Variants in PIP4K2C observed in about 807,000 individuals in gnomAD.
PIP4K2C encodes phosphatidylinositol-5-phosphate 4-kinase type 2 gamma, also known as phosphatidylinositol 5-phosphate 4-kinase type-2 gamma.
PIP4K2C carries 21 observed loss-of-function variants against 45.0 expected under a neutral mutation model. The ratio of observed to expected loss-of-function variants is 0.47; its 90% CI spans 0.33 to 0.67. The LOEUF is 0.67. Ranked by LOEUF, PIP4K2C falls within the 30% of genes least tolerant of loss-of-function variation. The pLI is 0.02. For missense variants in PIP4K2C, 456 were observed against 542.8 expected (o/e 0.84, Z 1.59); for synonymous variants, 201 against 204.8 (o/e 0.98, Z 0.16).
At chr12:57,596,925 G>T (rs1883220469) in intron 4 of PIP4K2C, among the ~76,000 whole-genome samples, 1 of 152,226 alleles carries the variant, frequency 6.6e-6, no homozygotes, top group Non-Finnish European at 1.5e-5. Context: ...ATCCTTGAAG[G>T]ACTAGTAGAG....
intron 4 of PIP4K2C, 150 bp from the exon 5 acceptor site, chr12:57,598,915 T>C: frequency 1.3e-6 from 1 of 760,664 alleles, no homozygotes; most frequent in Non-Finnish European, 2.1e-6. Context: ...CCTGGAGTGT[T>C]TTGGGGAAGC....
Position 57,601,897 on chromosome 12 carries a change from TA to T in PIP4K2C, c.*293del. 2.3e-6 allele frequency: 1 copy of T among 428,688 alleles called. No homozygotes were observed. Among genetic ancestry groups the T allele is most frequent in the Non-Finnish European group, 4.3e-6 (1 of 232,280 alleles). The allele number at this position is 428,688 out of a possible 1,614,324, so 26.6% of individuals were successfully genotyped here. The stretch of plus-strand genomic sequence containing the variant: ...TCTCTCCCAAGTGCCTTGATCTTTG[TA>T]ATATCTCCTGTTGTTTCTATGATAT... On this transcript the variant is annotated 3_prime_UTR_variant, in exon 10 of 10. Coordinates refer to ENST00000354947, the MANE Select transcript of PIP4K2C (RefSeq NM_024779.5).
intron 1 of PIP4K2C, 68 bp downstream of exon 1, chr12:57,591,531 A>C (rs1445861683): frequency 2.0e-6 from 3 of 1,484,114 alleles, no homozygotes; most frequent in Non-Finnish European, 2.7e-6. Flanking sequence ...CCCTGTTTCC[A>C]GGCTCCAGCC....
intron 6 of PIP4K2C, 108 bp from the exon 7 acceptor site, chr12:57,600,216 A>C (rs1883369161): frequency 1.6e-6 from 1 of 630,958 alleles, no homozygotes; most frequent in East Asian, 2.8e-5. Context: ...CACAGTGTGG[A>C]GTTAGATGAG....
chr12:57,597,357 G>A (rs1370360119), intron 4 of PIP4K2C, among the ~76,000 whole-genome samples: 1 of 152,152 alleles, frequency 6.6e-6, no homozygotes. Flanking sequence ...AGACACAGGG[G>A]CCTCCAAGTT....
chr12:57,591,576 G>GT, intron 1 of PIP4K2C, 113 bp downstream of exon 1: 1 of 1,270,864 alleles, frequency 7.9e-7, no homozygotes, highest in South Asian at 1.6e-5. Context: ...CCCCTCCCCC[G>GT]GGTTGTCTTG....
In PIP4K2C at chr12:57,600,426, A is replaced by T. The variant is rs1369580614; in HGVS notation, c.802A>T (p.Arg268Ter). 1 of 1,597,798 alleles carries T rather than the reference A, an allele frequency of 6.3e-7. No homozygotes were observed. Among genetic ancestry groups the T allele is most frequent in the African/African-American group, 1.3e-5 (1 of 74,556 alleles). The change falls in exon 7 of 10, where the codon AGA (arginine) becomes TGA (stop). Residue 268 changes from arginine (R) to a stop codon, truncating the protein, a stop_gained. Transcript: ENST00000354947. LOFTEE classifies it high-confidence loss of function. ...EKKIFLEKLK[R>*]DVEFLVQLKI... ...GAAAATATTTCTGGAGAAGCTGAAG[A>T]GAGATGTGGAGGTGATGATTGGGTG...
chr12:57,594,147 C>T (rs1261604249), intron 2 of PIP4K2C, 25 bp downstream of exon 2: 3 of 1,549,336 alleles, frequency 1.9e-6, no homozygotes, highest in Non-Finnish European at 2.7e-6. Context: ...TTGCCATTCT[C>T]ATGTCAACCT....
intron 4 of PIP4K2C, 108 bp from the exon 5 acceptor site, chr12:57,598,957 C>T: frequency 3.1e-5 from 38 of 1,232,194 alleles, no homozygotes; most frequent in Non-Finnish European, 4.1e-5. Context: ...AATCTCTCTA[C>T]TTGAAGTCCT....
At position 57,600,914 on chromosome 12, in the gene PIP4K2C, A is replaced by T. The variant is rs758699156; in HGVS notation, c.917A>T (p.Glu306Val). ...PEEEAPVRED[E>V]SEVDGDCSLT... The stretch of plus-strand genomic sequence containing the variant: ...GAGGAAGCGCCCGTGCGGGAGGATG[A>T]GTCAGAGGTGGATGGGGACTGCAGC... Residue 306 changes from glutamate to valine, a missense_variant, in exon 8 of 10, where the codon GAG becomes GTG. Physicochemically the swap from Glu to Val is moderately radical, Grantham distance 121. Coordinates refer to ENST00000354947, the MANE Select transcript of PIP4K2C (RefSeq NM_024779.5). 3 of 1,614,200 alleles carry T rather than the reference A, an allele frequency of 1.9e-6. No homozygotes were observed. In the East Asian group the frequency reaches 6.7e-5, roughly 36 times the overall value.
At position 57,602,317 on chromosome 12, in the gene PIP4K2C, A is replaced by G. The variant is rs1056854137; in HGVS notation, c.*711A>G. 1 of 152,298 alleles carries G rather than the reference A, an allele frequency of 6.6e-6. No individual in the cohort carries two copies. The highest frequency in any genetic ancestry group is 2.4e-5 in the African/African-American group (1 of 41,444). 9.4% of individuals were successfully genotyped at this position (152,298 alleles called of 1,614,324 possible). On this transcript the variant is annotated 3_prime_UTR_variant, in exon 10 of 10. Transcript: ENST00000354947. Reference sequence around the variant, plus strand: ...CCTTACCTCAATTCCATCTCCACCCATCTCTACATCTGGGCACAGCAACCC... The same window carrying G: ...CCTTACCTCAATTCCATCTCCACCCGTCTCTACATCTGGGCACAGCAACCC...
chr12:57,600,061 A>C (rs141227394), intron 6 of PIP4K2C, among the ~76,000 whole-genome samples: 5 of 19,250 alleles, frequency 2.6e-4, no homozygotes, highest in Non-Finnish European at 1.0e-3. Context: ...AAAAAAAAAA[A>C]AAAAAAAAGA....
intron 9 of PIP4K2C, 22 bp downstream of exon 9, chr12:57,601,370 T>G (rs780799827): frequency 7.6e-6 from 12 of 1,589,390 alleles, no homozygotes; most frequent in Admixed American, 1.7e-5. Flanking sequence ...CAAAAGCCTT[T>G]CCTTTCCTGT....
intron 2 of PIP4K2C, 83 bp from the exon 3 acceptor site, chr12:57,595,043 A>G: frequency 2.4e-6 from 2 of 829,112 alleles, no homozygotes; most frequent in South Asian, 2.9e-5. Flanking sequence ...ATGAGGTAAT[A>G]TGTCTGAAGG....
In PIP4K2C at chr12:57,593,675, G is replaced by GTTTTTTTTTTTT. The variant is rs56900742; in HGVS notation, c.175-329_175-318dup. Among the ~76,000 whole-genome samples the GTTTTTTTTTTTT allele has an allele frequency of 1.9e-4, 12 of 64,046 alleles. 2 individuals carry two copies. Among genetic ancestry groups the GTTTTTTTTTTTT allele is most frequent in the African/African-American group, 8.0e-4 (11 of 13,694 alleles). The allele number at this position is 64,046 out of a possible 152,430, so 42.0% of individuals were successfully genotyped here. On this transcript the variant is annotated intron_variant, in intron 1 of 9. Transcript: ENST00000354947. ...CATGTAGCTGCCTTGAGCTTGCAGAGTTTTTTTTTTTTTTTTTTTTTTTTT... is the reference window on the plus strand; with the variant it reads ...CATGTAGCTGCCTTGAGCTTGCAGAGTTTTTTTTTTTTTTTTTTTTTTTTTTTTTTTTTTTTT...
chr12:57,598,872 G>A (rs368294737), intron 4 of PIP4K2C, among the ~76,000 whole-genome samples, 193 bp from the exon 5 acceptor site: 117 of 152,328 alleles, frequency 7.7e-4, no homozygotes, highest in African/African-American at 2.7e-3. Context: ...GAAGGAATCA[G>A]AGGAAAGGGG....
chr12:57,596,862 A>G (rs1883218225), intron 4 of PIP4K2C, among the ~76,000 whole-genome samples: 1 of 152,210 alleles, frequency 6.6e-6, no homozygotes, highest in South Asian at 2.1e-4. Flanking sequence ...TGGGGAAGGA[A>G]ATGCACCTGG....
In PIP4K2C at chr12:57,601,258, G is replaced by A. The variant is rs1594943971; in HGVS notation, c.1095G>A (p.Lys365=). The A allele has an allele frequency of 6.2e-7, 1 of 1,612,804 alleles. No homozygotes were observed. Among genetic ancestry groups the A allele is most frequent in the Non-Finnish European group, 8.5e-7 (1 of 1,179,128 alleles). Reference sequence around the variant, plus strand: ...TCTCTCTCCCAGGAGCCCCCCAGAAGGAGGTCTACTTCATGGGCCTCATTG... The same window carrying A: ...TCTCTCTCCCAGGAGCCCCCCAGAAAGAGGTCTACTTCATGGGCCTCATTG... ...AIRSAEGAPQ[K]EVYFMGLIDI... The change falls in exon 9 of 10, where the codon AAG becomes AAA. Residue 365 remains lysine (K), a synonymous_variant. Transcript: ENST00000354947.
At position 57,599,387 on chromosome 12, in the gene PIP4K2C, G is replaced by C. The variant is rs768610457; in HGVS notation, c.661-13G>C. ...GCCACTTCTACTGACTTGGTGTTTGGGTCTTTCTGCAGGGTTCCCTAGTGT... is the reference window on the plus strand; with the variant it reads ...GCCACTTCTACTGACTTGGTGTTTGCGTCTTTCTGCAGGGTTCCCTAGTGT... On this transcript the variant is annotated splice_polypyrimidine_tract_variant and intron_variant, in intron 5 of 9. Transcript: ENST00000354947. 1 of 1,613,966 alleles carries C rather than the reference G, an allele frequency of 6.2e-7. No homozygotes were observed. The highest frequency in any genetic ancestry group is 8.5e-7 in the Non-Finnish European group (1 of 1,180,018).
Sources: allele counts gnomAD v4.1 joint callset (sites outside exome capture counted in the v4.1 genomes callset), GRCh38; gene constraint gnomAD v4.1.1; transcripts MANE v1.5; gene names NCBI Gene and HGNC (gene_info 2026-07-23, HGNC 2026-07-21).